CRB1: variants seen among roughly 807,000 people sequenced by gnomAD.
CRB1 encodes the protein crumbs cell polarity complex component 1, also known as protein crumbs homolog 1.
In CRB1, 83 loss-of-function variants were observed where a neutral mutation model predicts 120.0. That is an observed-to-expected ratio of 0.69 (90% CI 0.58 to 0.83). The LOEUF (loss-of-function observed/expected upper bound fraction) is 0.83, where lower values mean the gene tolerates loss of function less well. Among genes scored for constraint, CRB1 ranks in the 40% least tolerant of loss-of-function variants. The pLI, the probability that CRB1 is intolerant of heterozygous loss-of-function variation, is 0.00. For synonymous variants in CRB1, 625 were observed against 612.5 expected, an observed-to-expected ratio of 1.02 and a Z score of -0.30; for missense variants, 1,699 against 1,687.6, an observed-to-expected ratio of 1.01 and a Z score of -0.12.
At position 197,429,611 on chromosome 1, in the gene CRB1, G is replaced by A. The variant is rs574162883; in HGVS notation, c.2839G>A (p.Glu947Lys). The change falls in exon 8 of 12, where the codon GAA (glutamate) becomes AAA (lysine). Residue 947 changes from glutamate to lysine, a missense_variant. Coordinates refer to ENST00000367400, the MANE Select transcript of CRB1 (RefSeq NM_201253.3). The part of the protein sequence containing the change: ...AQCQPVLQGF[E>K]CIANAVFNGQ... ...GTGCCAGCCGGTGCTTCAAGGATTT[G>A]AATGTAGGTAGAGTTCAAACCTACC... 2.6e-5 allele frequency: 42 copies of A among 1,613,902 alleles called. No individual in the cohort carries two copies. In the South Asian group the frequency reaches 4.2e-4, roughly 16 times the overall value.
the CRB1 span, among the ~76,000 whole-genome samples, chr1:197,253,394 G>T: frequency 6.6e-6 from 1 of 151,938 alleles, no homozygotes; most frequent in Non-Finnish European, 1.5e-5. Flanking sequence ...TTCATTCATG[G>T]TTTCATAGCA....
At chr1:197,362,327 T>C (rs190048468) in intron 5 of CRB1, among the ~76,000 whole-genome samples, 6 of 152,264 alleles carry the variant, frequency 3.9e-5, no homozygotes, top group Admixed American at 3.9e-4. Flanking sequence ...AAAAACAACA[T>C]GTGTTCTGCT....
chr1:197,333,473 T>C (rs1221018282), intron 2 of CRB1, among the ~76,000 whole-genome samples: 1 of 152,248 alleles, frequency 6.6e-6, no homozygotes, highest in East Asian at 1.9e-4. Flanking sequence ...GATTGATTAA[T>C]GTACATTTTT....
intron 1 of CRB1, among the ~76,000 whole-genome samples, chr1:197,292,007 A>G (rs1049583035): frequency 2.0e-5 from 3 of 152,090 alleles, no homozygotes; most frequent in Non-Finnish European, 4.4e-5. Context: ...AATTAAAACA[A>G]CTAGAGAAGC....
the CRB1 span, among the ~76,000 whole-genome samples, chr1:197,246,218 A>G: frequency 6.6e-6 from 1 of 152,104 alleles, no homozygotes; most frequent in Non-Finnish European, 1.5e-5. Flanking sequence ...CACTCAGCCT[A>G]TGCTGGCATA....
chr1:197,384,526 G>C (rs1346110273), intron 5 of CRB1, among the ~76,000 whole-genome samples: 1 of 152,138 alleles, frequency 6.6e-6, no homozygotes, highest in Non-Finnish European at 1.5e-5. Context: ...ATATTATCCT[G>C]AGATGGGAGC....
intron 5 of CRB1, among the ~76,000 whole-genome samples, chr1:197,407,238 A>G (rs969113517): frequency 9.8e-5 from 15 of 152,360 alleles, no homozygotes; most frequent in Admixed American, 9.1e-4. Flanking sequence ...TATTCTATGA[A>G]GGACATAATG....
rs1394625590 is a variant in CRB1, at chr1:197,456,657, A to T, written c.4005+14365A>T. ...ATTATTCATCTTGAATTAGAATTTG[A>T]TATAAATTTACCCTTTCCCGAACCA... On this transcript the variant is annotated intron_variant, in intron 11 of 11. Coordinates refer to ENST00000367400, the MANE Select transcript of CRB1 (RefSeq NM_201253.3). 5.3e-5 allele frequency among the ~76,000 whole-genome samples: 8 copies of T among 152,254 alleles called. No individual in the cohort carries two copies. In the South Asian group the frequency reaches 1.0e-3, roughly 20 times the overall value.
chr1:197,218,798 A>G, the CRB1 span, among the ~76,000 whole-genome samples: 1 of 152,212 alleles, frequency 6.6e-6, no homozygotes, highest in Non-Finnish European at 1.5e-5. Context: ...CAAAGAGAGG[A>G]GGGATGTGTA....
At chr1:197,373,479 T>C (rs1008191607) in intron 5 of CRB1, among the ~76,000 whole-genome samples, 4 of 152,182 alleles carry the variant, frequency 2.6e-5, no homozygotes, top group African/African-American at 9.7e-5. Flanking sequence ...TTCAGGTTCA[T>C]AAATGGTCAA....
chr1:197,275,612 C>T (rs978748173), intron 1 of CRB1, among the ~76,000 whole-genome samples: 2 of 151,916 alleles, frequency 1.3e-5, no homozygotes, highest in Non-Finnish European at 2.9e-5. Context: ...GAAATTTCCT[C>T]CTATGTAAAT....
chr1:197,478,141 A>T lies in CRB1; in HGVS notation c.*262A>T. The T allele has an allele frequency of 2.1e-6, 1 of 484,664 alleles. No homozygotes were observed. The highest frequency in any genetic ancestry group is 2.1e-5 in the South Asian group (1 of 46,610). 30.0% of individuals were successfully genotyped at this position (484,664 alleles called of 1,614,324 possible). On this transcript the variant is annotated 3_prime_UTR_variant, in exon 12 of 12. Transcript: ENST00000367400. The stretch of plus-strand genomic sequence containing the variant: ...AATTAGCAAAAACATCTTCCAGAGA[A>T]TAAAGTCTTCTGTGGCTTTAGTGGC...
chr1:197,389,396 T>C (rs1223511257), intron 5 of CRB1, among the ~76,000 whole-genome samples: 1 of 152,134 alleles, frequency 6.6e-6, no homozygotes, highest in Non-Finnish European at 1.5e-5. Flanking sequence ...TGCTACAACA[T>C]AGATGAACCT....
intron 11 of CRB1, among the ~76,000 whole-genome samples, chr1:197,454,193 GATA>G (rs1401793931): frequency 1.3e-5 from 2 of 151,412 alleles, no homozygotes; most frequent in African/African-American, 2.4e-5. Flanking sequence ...TGTGCCTACA[GATA>G]ATAATACTGT....
upstream of CRB1, among the ~76,000 whole-genome samples, chr1:197,265,639 T>G (rs928790379): frequency 6.6e-6 from 1 of 152,214 alleles, no homozygotes; most frequent in African/African-American, 2.4e-5. Flanking sequence ...CTTGTCTATA[T>G]TCTTCATTTT....
chr1:197,265,571 A>G (rs1654614106), upstream of CRB1, among the ~76,000 whole-genome samples: 1 of 152,184 alleles, frequency 6.6e-6, no homozygotes, highest in Non-Finnish European at 1.5e-5. Flanking sequence ...ATATAGACAT[A>G]TATTTAAATG....
At chr1:197,231,293 C>T in the CRB1 span, among the ~76,000 whole-genome samples, 1 of 151,954 alleles carries the variant, frequency 6.6e-6, no homozygotes, top group African/African-American at 2.4e-5. Context: ...ACAGGACTAC[C>T]CCCCTCATCA....
chr1:197,425,735 T>C (rs1394616363), intron 6 of CRB1, among the ~76,000 whole-genome samples: 2 of 152,138 alleles, frequency 1.3e-5, no homozygotes, highest in African/African-American at 4.8e-5. Flanking sequence ...CTTATCTTAC[T>C]GGCTACTCTT....
rs977479483 is a variant in CRB1, at chr1:197,350,085, C to A, written c.988+2606C>A. Among the ~76,000 whole-genome samples the A allele has an allele frequency of 7.6e-4, 109 of 143,784 alleles. 1 individual carries two copies. In the East Asian group the frequency reaches 0.012, roughly 15 times the overall value. 94.3% of individuals were successfully genotyped at this position (143,784 alleles called of 152,430 possible). A position where few individuals can be genotyped will look rare whatever the true frequency, so the allele number is the denominator to read the frequency against. ...ACTGCAGTCCGCAGTCCGGCCTGGG[C>A]GACAGAGCGAGACTCCGTCTCAAAA... On this transcript the variant is annotated intron_variant, in intron 4 of 11. Transcript: ENST00000367400.
Sources: gnomAD v4.1 joint callset for allele counts (sites outside exome capture counted in the v4.1 genomes callset) on GRCh38, gnomAD v4.1.1 for gene constraint, MANE v1.5 for transcripts, NCBI Gene and HGNC (gene_info 2026-07-23, HGNC 2026-07-21) for gene names.